CD226: variants seen among roughly 807,000 people sequenced by gnomAD.
The protein encoded by CD226 is CD226 antigen.
Under a neutral mutation model 34.9 loss-of-function variants are expected in CD226, and 24 were observed. The observed-to-expected ratio is 0.69, with a 90% CI of 0.50 to 0.97. CD226 has a LOEUF of 0.97. Ranked by LOEUF, CD226 falls within the 50% of genes least tolerant of loss-of-function variation. CD226 has a pLI of 0.00. For missense variants in CD226, 397 were observed against 412.7 expected, an observed-to-expected ratio of 0.96 and a Z score of 0.33; for synonymous variants, 148 against 147.4, an observed-to-expected ratio of 1.00 and a Z score of -0.03.
Position 69,857,853 on chromosome 18 carries a change from T to G in CD226, c.*6461A>C, listed in dbSNP as rs559290414. 7.2e-5 allele frequency: 11 copies of G among 152,338 alleles called. No individual in the cohort carries two copies. The East Asian group carries it at 1.9e-3, about 27-fold the overall frequency. The allele number at this position is 152,338 out of a possible 1,614,324, so 9.4% of individuals were successfully genotyped here. A position where few individuals can be genotyped will look rare whatever the true frequency, so the allele number is the denominator to read the frequency against. On this transcript the variant is annotated 3_prime_UTR_variant, in exon 6 of 6. Coordinates refer to ENST00000582621, the MANE Select transcript of CD226 (RefSeq NM_001303618.2). ...GGTCAAATGATACACAGTATAATTT[T>G]GTGGCATTTTGATTACAAGTTTTCC... is the stretch of plus-strand genomic sequence containing the variant.
At chr18:69,929,915 C>G (rs967389023) in intron 2 of CD226, among the ~76,000 whole-genome samples, 3 of 152,154 alleles carry the variant, frequency 2.0e-5, no homozygotes, top group African/African-American at 4.8e-5. Flanking sequence ...TCTCTCTAGC[C>G]TATTGTCTGA....
chr18:69,887,667 C>T (rs1282158259), intron 3 of CD226, among the ~76,000 whole-genome samples: 1 of 152,154 alleles, frequency 6.6e-6, no homozygotes, highest in Non-Finnish European at 1.5e-5. Flanking sequence ...AACATTTCAA[C>T]TTGATACTTG....
In CD226 at chr18:69,882,166, T is replaced by G. The variant is rs555845406; in HGVS notation, c.728-8920A>C. Among the ~76,000 whole-genome samples, 246 of 152,266 alleles carry G rather than the reference T, an allele frequency of 1.6e-3. 2 individuals are homozygous for G. The highest frequency in any genetic ancestry group is 5.4e-3 in the South Asian group (26 of 4,830). The stretch of plus-strand genomic sequence containing the variant: ...TTTCTGTCATTATAGAGCAAACCAG[T>G]GAGGGAAGCAAGCTTCCTAGCTGAT... On this transcript the variant is annotated intron_variant, in intron 3 of 5. Transcript: ENST00000582621.
In CD226 at chr18:69,858,149, T is replaced by G. The variant is rs1023773176; in HGVS notation, c.*6165A>C. The stretch of plus-strand genomic sequence containing the variant: ...TTGCAAAACTGCCAACTGAGAATAT[T>G]GATATAGATACTAACTGTATTTATT... On this transcript the variant is annotated 3_prime_UTR_variant, in exon 6 of 6. Coordinates refer to ENST00000582621, the MANE Select transcript of CD226 (RefSeq NM_001303618.2). The G allele has an allele frequency of 6.6e-6, 1 of 152,218 alleles. No homozygotes were observed. Among genetic ancestry groups the G allele is most frequent in the Non-Finnish European group, 1.5e-5 (1 of 68,042 alleles). The allele number at this position is 152,218 out of a possible 1,614,324, so 9.4% of individuals were successfully genotyped here. A position where few individuals can be genotyped will look rare whatever the true frequency, so the allele number is the denominator to read the frequency against.
Position 69,856,972 on chromosome 18 carries a change from C to A in CD226, c.*7342G>T, listed in dbSNP as rs966349759. The A allele has an allele frequency of 1.3e-5, 2 of 152,062 alleles. No homozygotes were observed. Among genetic ancestry groups the A allele is most frequent in the African/African-American group, 4.8e-5 (2 of 41,386 alleles). 9.4% of individuals were successfully genotyped at this position (152,062 alleles called of 1,614,324 possible). On this transcript the variant is annotated 3_prime_UTR_variant, in exon 6 of 6. Transcript: ENST00000582621. The stretch of plus-strand genomic sequence containing the variant: ...TCACGAGGTCAGGAGATCGAGACCA[C>A]CCTGGCTAACACGGTGAAACCCCGT...
At chr18:69,952,580 T>A (rs1405209335), upstream of CD226, among the ~76,000 whole-genome samples, 1 of 152,124 alleles carries the variant, frequency 6.6e-6, no homozygotes, top group Non-Finnish European at 1.5e-5. Context: ...GATCCCTACC[T>A]CCGTGAAACA....
At chr18:69,883,995 T>A (rs905412310) in intron 3 of CD226, among the ~76,000 whole-genome samples, 1 of 152,190 alleles carries the variant, frequency 6.6e-6, no homozygotes, top group Admixed American at 6.5e-5. Context: ...CTGGCTGATG[T>A]CCCTGAAGAA....
Position 69,860,098 on chromosome 18 carries a change from C to T in CD226, c.*4216G>A, listed in dbSNP as rs1224991960. ...AAAAAAATAATAATAAAATAAAATA[C>T]AAAGAACATTGCATTGAGATAAAAA... On this transcript the variant is annotated 3_prime_UTR_variant, in exon 6 of 6. Coordinates refer to ENST00000582621, the MANE Select transcript of CD226 (RefSeq NM_001303618.2). 1 of 152,038 alleles carries T rather than the reference C, an allele frequency of 6.6e-6. No homozygotes were observed. The highest frequency in any genetic ancestry group is 2.4e-5 in the African/African-American group (1 of 41,400). The allele number at this position is 152,038 out of a possible 1,614,324, so 9.4% of individuals were successfully genotyped here.
chr18:69,954,266 G>C (rs943787432), intron 1 of CD226, among the ~76,000 whole-genome samples: 2 of 152,186 alleles, frequency 1.3e-5, no homozygotes, highest in African/African-American at 4.8e-5. Flanking sequence ...TCTAAGCATA[G>C]AGTCCACAGA....
intron 3 of CD226, among the ~76,000 whole-genome samples, chr18:69,879,000 C>T (rs376610418): frequency 4.6e-5 from 7 of 152,098 alleles, no homozygotes; most frequent in East Asian, 3.9e-4. Flanking sequence ...TGGCAGGTTC[C>T]GTGATGCCTC....
intron 2 of CD226, among the ~76,000 whole-genome samples, chr18:69,919,103 G>T (rs1369460532): frequency 6.6e-6 from 1 of 152,164 alleles, no homozygotes; most frequent in African/African-American, 2.4e-5. Context: ...GAAATAAATG[G>T]CAAACTGAGA....
In CD226 at chr18:69,860,697, C is replaced by T. The variant is rs1982768160; in HGVS notation, c.*3617G>A. 6.6e-6 allele frequency: 1 copy of T among 152,062 alleles called. No homozygotes were observed. The highest frequency in any genetic ancestry group is 6.6e-5 in the Admixed American group (1 of 15,264). 9.4% of individuals were successfully genotyped at this position (152,062 alleles called of 1,614,324 possible). A position where few individuals can be genotyped will look rare whatever the true frequency, so the allele number is the denominator to read the frequency against. On this transcript the variant is annotated 3_prime_UTR_variant, in exon 6 of 6. Transcript: ENST00000582621. ...ATGAACAGATCAGTGAAAAAATATA[C>T]TTATACAGAAGTCTGAAGGTGGAGA...
intron 2 of CD226, among the ~76,000 whole-genome samples, chr18:69,939,380 C>T (rs557081483): frequency 3.2e-4 from 48 of 152,236 alleles, no homozygotes; most frequent in Non-Finnish European, 5.4e-4. Flanking sequence ...TGGTAACTTG[C>T]TCTTTTCTTT....
chr18:69,859,573 G>GAAAA lies in CD226; in HGVS notation c.*4737_*4740dup, dbSNP rs34086233. On this transcript the variant is annotated 3_prime_UTR_variant, in exon 6 of 6. Coordinates refer to ENST00000582621, the MANE Select transcript of CD226 (RefSeq NM_001303618.2). ...AAATGAATAATGAATGTCTAAAATT[G>GAAAA]AAAAAAAAAGTATTAGTGTCATAAG... 1 of 150,026 alleles carries GAAAA rather than the reference G, an allele frequency of 6.7e-6. No homozygotes were observed. 9.3% of individuals were successfully genotyped at this position (150,026 alleles called of 1,614,324 possible).
At chr18:69,929,625 C>T (rs1217774076) in intron 2 of CD226, among the ~76,000 whole-genome samples, 3 of 152,086 alleles carry the variant, frequency 2.0e-5, no homozygotes, top group Non-Finnish European at 4.4e-5. Context: ...CATGACTTTA[C>T]CACATTTGCA....
upstream of CD226, among the ~76,000 whole-genome samples, chr18:69,951,539 T>TGG (rs112317924): frequency 0.034 from 5,235 of 152,182 alleles, 314 homozygotes; most frequent in African/African-American, 0.12. Context: ...AGAATGAATG[T>TGG]GGGGCTCAGA....
chr18:69,894,718 G>A (rs558975018), intron 3 of CD226, among the ~76,000 whole-genome samples: 21 of 151,498 alleles, frequency 1.4e-4, no homozygotes, highest in African/African-American at 4.1e-4. Flanking sequence ...TCCGTGTCCC[G>A]ACAGTGAGGA....
At chr18:69,907,291 T>C (rs2055266524) in intron 2 of CD226, among the ~76,000 whole-genome samples, 1 of 152,212 alleles carries the variant, frequency 6.6e-6, no homozygotes, top group Admixed American at 6.5e-5. Flanking sequence ...TTTCCATCAG[T>C]GTGCCTGGAA....
rs192118104 is a variant in CD226 at position 69,942,092 on chromosome 18, T to C, written c.382+4642A>G. 9.8e-5 allele frequency among the ~76,000 whole-genome samples: 15 copies of C among 152,332 alleles called. No individual in the cohort carries two copies. The East Asian group carries it at 2.1e-3, about 22-fold the overall frequency. Reference sequence around the variant, plus strand: ...ATGTTTGCTCCCCTTTTCACCATGATTGTACGTTTCCTGAGGCCTCCCCAG... The same window carrying C: ...ATGTTTGCTCCCCTTTTCACCATGACTGTACGTTTCCTGAGGCCTCCCCAG... On this transcript the variant is annotated intron_variant, in intron 2 of 5. Transcript: ENST00000582621.
Sources: gnomAD v4.1 joint callset for allele counts (sites outside exome capture counted in the v4.1 genomes callset) on GRCh38, gnomAD v4.1.1 for gene constraint, MANE v1.5 for transcripts, NCBI Gene and HGNC (gene_info 2026-07-23, HGNC 2026-07-21) for gene names.